WDR7: variants seen among roughly 807,000 people sequenced by gnomAD.
WDR7 encodes WD repeat-containing protein 7.
In WDR7, 46 loss-of-function variants were observed where a neutral mutation model predicts 169.4. That is an observed-to-expected ratio of 0.27 (90% confidence interval 0.21 to 0.35). The LOEUF (loss-of-function observed/expected upper bound fraction) is 0.35, where lower values mean the gene tolerates loss of function less well. Among genes scored for constraint, WDR7 ranks in the 10% least tolerant of loss-of-function variants. WDR7 has a pLI of 1.00. For missense variants in WDR7, 1,534 were observed against 1,859.3 expected (o/e 0.83, Z 3.22); for synonymous variants, 612 against 666.8 (o/e 0.92, Z 1.27).
Position 56,705,736 on chromosome 18 carries a change from C to T in WDR7, c.1578+9274C>T, listed in dbSNP as rs932215796. ...ATGACTGGCCTGGCACGATGGCTCACGCCTGTAATCCCAGCATTTTGGCAG... is the reference window on the plus strand; with the variant it reads ...ATGACTGGCCTGGCACGATGGCTCATGCCTGTAATCCCAGCATTTTGGCAG... On this transcript the variant is annotated intron_variant, in intron 12 of 27. Transcript: ENST00000254442. Among the ~76,000 whole-genome samples the T allele has an allele frequency of 2.6e-5, 4 of 152,178 alleles. No individual in the cohort carries two copies. The South Asian group carries it at 6.2e-4, about 24-fold the overall frequency.
At chr18:56,833,475 A>G (rs1004139017) in intron 20 of WDR7, among the ~76,000 whole-genome samples, 1 of 152,202 alleles carries the variant, frequency 6.6e-6, no homozygotes, top group Non-Finnish European at 1.5e-5. Flanking sequence ...TATAATAAAA[A>G]AAATAAAGCA....
chr18:56,789,009 G>T (rs1568195445), intron 19 of WDR7, among the ~76,000 whole-genome samples: 1 of 152,178 alleles, frequency 6.6e-6, no homozygotes, highest in Non-Finnish European at 1.5e-5. Context: ...GGACCTGAGA[G>T]ATTTGTTCCT....
At chr18:56,866,658 C>A (rs1407294254) in intron 20 of WDR7, among the ~76,000 whole-genome samples, 1 of 152,016 alleles carries the variant, frequency 6.6e-6, no homozygotes, top group Non-Finnish European at 1.5e-5. Flanking sequence ...ATATTAAATT[C>A]TTGCTTTGGA....
intron 21 of WDR7, among the ~76,000 whole-genome samples, chr18:56,914,709 G>C (rs2046601756): frequency 6.6e-6 from 1 of 151,992 alleles, no homozygotes; most frequent in African/African-American, 2.4e-5. Context: ...CTTCTTTATT[G>C]CTGATCCCCT....
rs558605755 is a variant in WDR7, at chr18:56,691,836, C to T, written c.966+19C>T. On this transcript the variant is annotated intron_variant, in intron 9 of 27. Transcript: ENST00000254442. ...TAAAGAGGTAAAATTCTTGAGGTGTCATTTATAATTGAAAGTTACATTGAA... is the reference window on the plus strand; with the variant it reads ...TAAAGAGGTAAAATTCTTGAGGTGTTATTTATAATTGAAAGTTACATTGAA... 1.3e-6 allele frequency: 2 copies of T among 1,563,472 alleles called. No homozygotes were observed. Among genetic ancestry groups the T allele is most frequent in the South Asian group, 2.3e-5 (2 of 86,016 alleles).
chr18:56,996,965 A>C (rs1204748917), intron 26 of WDR7, among the ~76,000 whole-genome samples: 1 of 152,212 alleles, frequency 6.6e-6, no homozygotes, highest in East Asian at 1.9e-4. Flanking sequence ...AGAAAAAAAA[A>C]CTGGATCTTT....
rs1787470 is a variant in WDR7, at chr18:56,942,925, C to T, written c.4064+3532C>T. ...ATTATGAAAATAAAGTCCACATAGG[C>T]CCATTTATTTGTGAGTCAGCACATA... On this transcript the variant is annotated intron_variant, in intron 25 of 27. Coordinates refer to ENST00000254442, the MANE Select transcript of WDR7 (RefSeq NM_015285.3). Among the ~76,000 whole-genome samples, 21 of 152,230 alleles carry T rather than the reference C, an allele frequency of 1.4e-4. No individual in the cohort carries two copies. The South Asian group carries it at 3.7e-3, about 27-fold the overall frequency.
intron 17 of WDR7, among the ~76,000 whole-genome samples, chr18:56,777,876 C>A (rs146352925): frequency 6.6e-6 from 1 of 152,058 alleles, no homozygotes. Flanking sequence ...TATGTTAAGA[C>A]CGAATTTTAG....
chr18:56,957,689 T>C (rs2047273694), intron 25 of WDR7, among the ~76,000 whole-genome samples: 1 of 152,150 alleles, frequency 6.6e-6, no homozygotes, highest in South Asian at 2.1e-4. Flanking sequence ...AAATGTTAGC[T>C]GCACATAGTA....
Position 56,681,304 on chromosome 18 carries a change from G to A in WDR7, c.267-9G>A, listed in dbSNP as rs1598957330. ...CACACTCAAAGCTGACCATTATTTTGTTTTATAGAGAGATGTGCCTCTGGG... is the reference window on the plus strand; with the variant it reads ...CACACTCAAAGCTGACCATTATTTTATTTTATAGAGAGATGTGCCTCTGGG... On this transcript the variant is annotated splice_polypyrimidine_tract_variant and intron_variant, in intron 3 of 27. Coordinates refer to ENST00000254442, the MANE Select transcript of WDR7 (RefSeq NM_015285.3). The A allele has an allele frequency of 5.1e-6, 8 of 1,577,216 alleles. No homozygotes were observed. In the South Asian group the frequency reaches 7.1e-5, roughly 14 times the overall value.
intron 21 of WDR7, among the ~76,000 whole-genome samples, chr18:56,916,288 T>C (rs1426366767): frequency 5.2e-5 from 7 of 135,380 alleles, no homozygotes; most frequent in African/African-American, 1.9e-4. Context: ...CCACGACAGG[T>C]CCCGGTGTGT....
At chr18:56,960,845 A>C (rs189722550) in intron 25 of WDR7, among the ~76,000 whole-genome samples, 1 of 152,222 alleles carries the variant, frequency 6.6e-6, no homozygotes, top group Non-Finnish European at 1.5e-5. Flanking sequence ...TAGCCAGGGA[A>C]GCTTCATATG....
At chr18:56,727,195 C>T (rs988800408) in intron 13 of WDR7, among the ~76,000 whole-genome samples, 2 of 152,146 alleles carry the variant, frequency 1.3e-5, no homozygotes, top group Non-Finnish European at 2.9e-5. Context: ...AATTATTTTA[C>T]GTAAAAGGGT....
At chr18:56,706,032 G>C (rs1442908946) in intron 12 of WDR7, among the ~76,000 whole-genome samples, 4 of 152,090 alleles carry the variant, frequency 2.6e-5, no homozygotes, top group Admixed American at 2.6e-4. Context: ...ATGACCAACA[G>C]ATCAGAGTGA....
chr18:56,806,154 T>C (rs1305149344), intron 19 of WDR7, among the ~76,000 whole-genome samples: 2 of 152,230 alleles, frequency 1.3e-5, no homozygotes, highest in Admixed American at 6.5e-5. Flanking sequence ...CATTGATAAA[T>C]CTGTATTTTC....
At chr18:56,768,215 A>G (rs1256357333) in intron 16 of WDR7, among the ~76,000 whole-genome samples, 1 of 152,160 alleles carries the variant, frequency 6.6e-6, no homozygotes, top group Non-Finnish European at 1.5e-5. Context: ...AAAAGCATTG[A>G]GTTTTGAGAG....
chr18:56,914,511 C>A (rs903612383), intron 21 of WDR7, among the ~76,000 whole-genome samples: 7 of 152,094 alleles, frequency 4.6e-5, no homozygotes, highest in African/African-American at 7.2e-5. Flanking sequence ...AGAACTGAAA[C>A]CTGGCTGTTC....
intron 14 of WDR7, among the ~76,000 whole-genome samples, chr18:56,740,016 A>T (rs2043591896): frequency 6.6e-6 from 1 of 151,426 alleles, no homozygotes. Context: ...TCTTTCAGAA[A>T]CTCCAATAAC....
At chr18:56,663,649 TATATATATGCACAGCATATATAC>T (rs911672699) in intron 1 of WDR7, among the ~76,000 whole-genome samples, 8 of 3,640 alleles carry the variant, frequency 2.2e-3, no homozygotes, top group Non-Finnish European at 0.026. Context: ...CATATATACA[TATATATATGCACAGCATATATAC>T]ATATATATAT....
Sources: gnomAD v4.1 joint callset for allele counts (sites outside exome capture counted in the v4.1 genomes callset) on GRCh38, gnomAD v4.1.1 for gene constraint, MANE v1.5 for transcripts, NCBI Gene and HGNC (gene_info 2026-07-23, HGNC 2026-07-21) for gene names.